SYNJ2: variants seen among roughly 807,000 people sequenced by gnomAD.
SYNJ2 encodes synaptojanin 2.
In SYNJ2, 116 loss-of-function variants were observed where a neutral mutation model predicts 141.3. The observed-to-expected ratio is 0.82, with a 90% confidence interval of 0.71 to 0.96. The LOEUF is 0.96. SYNJ2 is among the 40% of genes least tolerant of loss of function. The pLI is 0.00. For synonymous variants in SYNJ2, 745 were observed against 777.7 expected, an observed-to-expected ratio of 0.96 and a Z score of 0.70; for missense variants, 1,873 against 1,934.8, an observed-to-expected ratio of 0.97 and a Z score of 0.60.
intron 3 of SYNJ2, among the ~76,000 whole-genome samples, chr6:158,029,725 C>T (rs999013016): frequency 1.3e-5 from 2 of 152,094 alleles, no homozygotes; most frequent in African/African-American, 2.4e-5. Context: ...AGTGTGCAGC[C>T]GTTTACCGCT....
chr6:158,054,425 C>T (rs540424178), intron 5 of SYNJ2, among the ~76,000 whole-genome samples: 2 of 152,298 alleles, frequency 1.3e-5, no homozygotes, highest in East Asian at 3.9e-4. Flanking sequence ...CAGATTTGGC[C>T]AGCAAAAGCC....
chr6:158,016,104 C>T (rs1778443110), intron 1 of SYNJ2, among the ~76,000 whole-genome samples: 1 of 152,116 alleles, frequency 6.6e-6, no homozygotes, highest in Non-Finnish European at 1.5e-5. Context: ...CTGTTCTGGA[C>T]GTTTCATAGA....
At chr6:158,034,226 A>G (rs1779521740) in intron 4 of SYNJ2, among the ~76,000 whole-genome samples, 1 of 152,148 alleles carries the variant, frequency 6.6e-6, no homozygotes, top group East Asian at 1.9e-4. Flanking sequence ...TTTTTTCTAA[A>G]TTCTGTTCTC....
At chr6:158,060,489 G>C (rs190377416) in intron 7 of SYNJ2, among the ~76,000 whole-genome samples, 1 of 152,208 alleles carries the variant, frequency 6.6e-6, no homozygotes, top group Non-Finnish European at 1.5e-5. Flanking sequence ...GAGAGAGCTC[G>C]AAGTCGCCTC....
chr6:158,015,392 C>A (rs1318071367), intron 1 of SYNJ2, among the ~76,000 whole-genome samples: 1 of 152,164 alleles, frequency 6.6e-6, no homozygotes, highest in Non-Finnish European at 1.5e-5. Context: ...CCATCCAGCC[C>A]AAGGGTTCTT....
chr6:158,077,388 T>C (rs1227447079), intron 17 of SYNJ2, among the ~76,000 whole-genome samples: 2 of 152,204 alleles, frequency 1.3e-5, no homozygotes, highest in South Asian at 2.1e-4. Context: ...CACCTCTTTT[T>C]TCTGGGTGGG....
rs775339506 is a variant in SYNJ2, at chr6:158,084,208, C to T, written c.3208+34C>T. On this transcript the variant is annotated intron_variant, in intron 22 of 26. Transcript: ENST00000355585. The surrounding 1 kb of genome is among the most constrained non-coding windows in gnomAD (Gnocchi z 5.0). ...ACCCTTCTTTTCTCAGGAGCCTCAGCGATGGAGTCAGCTCAGGACAGACTT... is the reference window on the plus strand; with the variant it reads ...ACCCTTCTTTTCTCAGGAGCCTCAGTGATGGAGTCAGCTCAGGACAGACTT... 24 of 1,602,648 alleles carry T rather than the reference C, an allele frequency of 1.5e-5. No homozygotes were observed. Among genetic ancestry groups the T allele is most frequent in the Admixed American group, 8.5e-5 (5 of 58,910 alleles).
Position 157,981,999 on chromosome 6 carries a change from T to A in SYNJ2, c.38T>A (p.Leu13Gln). ...LSKGLRLLGR[L>Q]GAEGDCSVLL... ...AAAGGGCTGCGGCTGCTGGGGCGCC[T>A]GGGGGCCGAGGGGGACTGTAGCGTG... The change falls in exon 1 of 27, where the codon CTG becomes CAG. Residue 13 changes from leucine (L) to glutamine (Q), a missense_variant. Leu to Gln is a moderately radical substitution (Grantham distance 113). Transcript: ENST00000355585. The surrounding 1 kb of genome is among the most constrained non-coding windows in gnomAD (Gnocchi z 6.4). 1 of 1,284,406 alleles carries A rather than the reference T, an allele frequency of 7.8e-7. No homozygotes were observed. Among genetic ancestry groups the A allele is most frequent in the Non-Finnish European group, 9.8e-7 (1 of 1,017,078 alleles). 79.6% of individuals were successfully genotyped at this position (1,284,406 alleles called of 1,614,324 possible). A position where few individuals can be genotyped will look rare whatever the true frequency, so the allele number is the denominator to read the frequency against.
At chr6:158,011,854 A>G (rs1050573532) in intron 1 of SYNJ2, among the ~76,000 whole-genome samples, 3 of 152,206 alleles carry the variant, frequency 2.0e-5, no homozygotes, top group African/African-American at 7.2e-5. Flanking sequence ...GGATCATACC[A>G]GGGCATACGG....
At chr6:157,998,220 C>A (rs758367544) in intron 1 of SYNJ2, among the ~76,000 whole-genome samples, 6 of 152,240 alleles carry the variant, frequency 3.9e-5, no homozygotes, top group Non-Finnish European at 8.8e-5. Context: ...CCTCCCCCAG[C>A]TGAAAGCCCT....
At chr6:158,077,520 C>T (rs1782380877) in intron 17 of SYNJ2, among the ~76,000 whole-genome samples, 1 of 151,892 alleles carries the variant, frequency 6.6e-6, no homozygotes, top group Admixed American at 6.6e-5. Flanking sequence ...CCAAATTGGA[C>T]ACGAGCAAGA....
At chr6:158,034,736 T>C (rs1779550305) in intron 4 of SYNJ2, among the ~76,000 whole-genome samples, 1 of 152,250 alleles carries the variant, frequency 6.6e-6, no homozygotes. Flanking sequence ...TTTGGCATCT[T>C]CGTCATGAAG....
rs869141011 is a variant in SYNJ2, at chr6:158,037,395, C to CTT, written c.711+3737_711+3738dup. Among the ~76,000 whole-genome samples, 608 of 108,992 alleles carry CTT rather than the reference C, an allele frequency of 5.6e-3. 12 individuals are homozygous for CTT. Among genetic ancestry groups the CTT allele is most frequent in the African/African-American group, 0.019 (484 of 25,946 alleles). The allele number at this position is 108,992 out of a possible 152,430, so 71.5% of individuals were successfully genotyped here. On this transcript the variant is annotated intron_variant, in intron 4 of 26. Transcript: ENST00000355585. ...CCCACCCTACTCCAGTTGTCCTCAT[C>CTT]TTTTTTTTTTTTTTTTTTTTTTTGG...
At chr6:158,048,576 G>C (rs1198273621) in intron 5 of SYNJ2, among the ~76,000 whole-genome samples, 1 of 152,178 alleles carries the variant, frequency 6.6e-6, no homozygotes, top group East Asian at 1.9e-4. Flanking sequence ...TGATACCCAG[G>C]TTGATACCAT....
Position 158,064,972 on chromosome 6 carries a change from G to A in SYNJ2, c.1506G>A (p.Leu502=). The A allele has an allele frequency of 6.3e-7, 1 of 1,594,590 alleles. No homozygotes were observed. Among genetic ancestry groups the A allele is most frequent in the Non-Finnish European group, 8.5e-7 (1 of 1,169,990 alleles). ...EEVADKGGML[L]DSTALLVTPR... ...TGGCAGACAAAGGGGGCATGCTGCT[G>A]GACAGCACGGCGCTCCTGGGTAGGG... Residue 502 remains leucine, a synonymous_variant, in exon 11 of 27, where the codon CTG becomes CTA. Coordinates refer to ENST00000355585, the MANE Select transcript of SYNJ2 (RefSeq NM_003898.4).
intron 18 of SYNJ2, chr6:158,079,210 G>A (rs1196333942): frequency 6.6e-6 from 1 of 152,246 alleles, no homozygotes. Flanking sequence ...TGCAGAGGAA[G>A]ACTCACCCTG....
In SYNJ2 at chr6:158,076,739, CAG is replaced by C. The variant is rs1782319503; in HGVS notation, c.2407_2408del (p.Arg803GlyfsTer11). 1.2e-6 allele frequency: 2 copies of C among 1,614,088 alleles called. No individual in the cohort carries two copies. The highest frequency in any genetic ancestry group is 1.3e-5 in the African/African-American group (1 of 74,930). On this transcript the variant is annotated frameshift_variant, in exon 17 of 27. Coordinates refer to ENST00000355585, the MANE Select transcript of SYNJ2 (RefSeq NM_003898.4). LOFTEE classifies it high-confidence loss of function. ...DKCRTPAWTD[R>X]VLWWRKKHPF... Reference sequence around the variant, plus strand: ...AATGCCGCACCCCCGCCTGGACAGACAGGGTGCTGTGGTGGAGGAAGAAACAT... The same window carrying C: ...AATGCCGCACCCCCGCCTGGACAGACGGTGCTGTGGTGGAGGAAGAAACAT...
In SYNJ2 at chr6:158,036,425, G is replaced by A. The variant is rs575240443; in HGVS notation, c.711+2745G>A. The stretch of plus-strand genomic sequence containing the variant: ...TGTGGTTTGTATACAGCATGGAATA[G>A]TATGCAGTCATGAAAAGGAATGAGA... On this transcript the variant is annotated intron_variant, in intron 4 of 26. Transcript: ENST00000355585. Among the ~76,000 whole-genome samples the A allele has an allele frequency of 2.0e-5, 3 of 152,308 alleles. 1 individual carries two copies. In the East Asian group the frequency reaches 5.8e-4, roughly 29 times the overall value.
Position 158,071,526 on chromosome 6 carries a change from G to T in SYNJ2, c.1941-76G>T. The T allele has an allele frequency of 1.3e-6, 2 of 1,526,496 alleles. No homozygotes were observed. Among genetic ancestry groups the T allele is most frequent in the South Asian group, 2.5e-5 (2 of 80,420 alleles). The allele number at this position is 1,526,496 out of a possible 1,614,324, so 94.6% of individuals were successfully genotyped here. A position where few individuals can be genotyped will look rare whatever the true frequency, so the allele number is the denominator to read the frequency against. On this transcript the variant is annotated intron_variant, in intron 14 of 26. Transcript: ENST00000355585. The surrounding 1 kb of genome is among the most constrained non-coding windows in gnomAD (Gnocchi z 4.3). ...AGCAGCAGGTCCCGAGCTGCTGCTG[G>T]GCCCTTCTCTGTGGCAAAGCAGGGT...
Sources: allele counts gnomAD v4.1 joint callset (sites outside exome capture counted in the v4.1 genomes callset), GRCh38; gene constraint gnomAD v4.1.1; non-coding constraint Gnocchi (gnomAD v3.1); transcripts MANE v1.5; gene names NCBI Gene and HGNC (gene_info 2026-07-23, HGNC 2026-07-21).